The following TENM4 variants were observed in gnomAD, a reference collection of about 807,000 sequenced individuals.
TENM4 encodes teneurin-4.
Under a neutral mutation model 243.3 loss-of-function variants are expected in TENM4, and 82 were observed. The ratio of observed to expected loss-of-function variants is 0.34; its 90% CI spans 0.28 to 0.40. TENM4 has a LOEUF of 0.40. Among genes scored for constraint, TENM4 ranks in the 10% least tolerant of loss-of-function variants. The probability of loss-of-function intolerance (pLI) is 1.00; values close to 1 mark genes in which losing one functional copy is unlikely to be tolerated. For synonymous variants in TENM4, 1,412 were observed against 1,456.3 expected (o/e 0.97, Z 0.69); for missense variants, 3,138 against 3,673.3 (o/e 0.85, Z 3.77).
chr11:79,253,640 C>A (rs1225340844), intron 2 of TENM4, among the ~76,000 whole-genome samples: 6 of 152,140 alleles, frequency 3.9e-5, no homozygotes, highest in African/African-American at 7.2e-5. Context: ...CCGATGGGAT[C>A]CTAAATAATT....
chr11:79,366,569 G>A (rs1293619571), intron 1 of TENM4, among the ~76,000 whole-genome samples: 3 of 152,192 alleles, frequency 2.0e-5, no homozygotes, highest in Non-Finnish European at 4.4e-5. Context: ...TGCTTCAGGA[G>A]CAATTCATGG....
intron 6 of TENM4, among the ~76,000 whole-genome samples, chr11:78,922,919 T>A (rs1281831128): frequency 6.6e-6 from 1 of 152,166 alleles, no homozygotes; most frequent in Non-Finnish European, 1.5e-5. Context: ...AGCATCTCCA[T>A]CACTACCACT....
chr11:78,851,286 T>C (rs1391938652), intron 12 of TENM4, among the ~76,000 whole-genome samples: 1 of 152,152 alleles, frequency 6.6e-6, no homozygotes, highest in East Asian at 1.9e-4. Context: ...TATGACCTAT[T>C]GGCCCTAAAA....
intron 2 of TENM4, among the ~76,000 whole-genome samples, chr11:79,262,081 G>A (rs947607194): frequency 4.6e-5 from 7 of 152,314 alleles, no homozygotes; most frequent in African/African-American, 1.7e-4. Context: ...CTAGGAGTCT[G>A]AAGTTTCAAT....
chr11:78,736,445 AGTGTGTGTGTGTGTGTGTGT>A (rs3223449), intron 20 of TENM4, among the ~76,000 whole-genome samples: 1 of 145,182 alleles, frequency 6.9e-6, no homozygotes, highest in African/African-American at 2.6e-5. Context: ...GATTTCAGCA[AGTGTGTGTGTGTGTGTGTGT>A]GTGTGTGTGT....
Position 78,658,859 on chromosome 11 carries a change from A to G in TENM4, c.7552-43T>C. On this transcript the variant is annotated intron_variant, in intron 33 of 33. Transcript: ENST00000278550. ...TGAGAGAGAGAGTAAGACAAAGGGGAAAAAACCCTGAGAACCTGGAGAATC... is the reference window on the plus strand; with the variant it reads ...TGAGAGAGAGAGTAAGACAAAGGGGGAAAAACCCTGAGAACCTGGAGAATC... The G allele has an allele frequency of 1.9e-6, 3 of 1,567,698 alleles. No homozygotes were observed. The South Asian group carries it at 3.5e-5, about 18-fold the overall frequency.
At chr11:78,700,222 G>A (rs181289146) in intron 28 of TENM4, among the ~76,000 whole-genome samples, 150 of 152,352 alleles carry the variant, frequency 9.8e-4, no homozygotes, top group African/African-American at 3.0e-3. Flanking sequence ...GTGTGGCACT[G>A]GTGCGGGGGT....
chr11:79,209,011 G>A (rs901846607), intron 3 of TENM4, among the ~76,000 whole-genome samples: 3 of 152,170 alleles, frequency 2.0e-5, no homozygotes, highest in African/African-American at 7.2e-5. Context: ...ACTGACCACC[G>A]AGGTGTGCAG....
chr11:78,923,286 T>A (rs1477251652), intron 6 of TENM4, among the ~76,000 whole-genome samples: 2 of 152,162 alleles, frequency 1.3e-5, no homozygotes, highest in African/African-American at 4.8e-5. Context: ...TGGGGCCCCA[T>A]AAAAGACGTA....
At chr11:78,813,394 T>C (rs940791994) in intron 13 of TENM4, among the ~76,000 whole-genome samples, 1 of 152,216 alleles carries the variant, frequency 6.6e-6, no homozygotes, top group African/African-American at 2.4e-5. Flanking sequence ...AGAAGCTCCC[T>C]GTATTTAACT....
Position 78,805,464 on chromosome 11 carries a change from G to A in TENM4, c.2007C>T (p.Gly669=), listed in dbSNP as rs1016834951. The part of the protein sequence containing the change: ...EVDCMDPTCS[G]RGVCVRGECH... The stretch of plus-strand genomic sequence containing the variant: ...ATTCGCCTCTCACGCAGACACCCCG[G>A]CCTGAACATGTGGGGTCCATGCAGT... The change falls in exon 15 of 34, where the codon GGC becomes GGT. Residue 669 remains glycine, a synonymous_variant. Transcript: ENST00000278550. 1.9e-6 allele frequency: 3 copies of A among 1,588,282 alleles called. No individual in the cohort carries two copies. The highest frequency in any genetic ancestry group is 2.7e-5 in the African/African-American group (2 of 74,336).
chr11:79,373,164 A>T (rs918510652), intron 1 of TENM4, among the ~76,000 whole-genome samples: 1 of 152,232 alleles, frequency 6.6e-6, no homozygotes, highest in African/African-American at 2.4e-5. Context: ...TAAACAGTAG[A>T]TACTCAACGC....
intron 6 of TENM4, among the ~76,000 whole-genome samples, chr11:78,936,304 G>C (rs1003128265): frequency 6.6e-6 from 1 of 152,196 alleles, no homozygotes. Context: ...TAAAATGGGA[G>C]CAATATCACC....
chr11:78,944,714 T>C (rs1856974898), intron 6 of TENM4, among the ~76,000 whole-genome samples: 2 of 152,232 alleles, frequency 1.3e-5, no homozygotes, highest in South Asian at 4.1e-4. Context: ...TGTAGCTCTG[T>C]TCATTAAATG....
rs146627156 is a variant in TENM4 at position 78,964,554 on chromosome 11, G to A, written c.494-61031C>T. 2.9e-3 allele frequency among the ~76,000 whole-genome samples: 445 copies of A among 152,218 alleles called. 4 individuals are homozygous for A. The highest frequency in any genetic ancestry group is 9.7e-3 in the African/African-American group (402 of 41,532). On this transcript the variant is annotated intron_variant, in intron 6 of 33. Coordinates refer to ENST00000278550, the MANE Select transcript of TENM4 (RefSeq NM_001098816.3). ...CTAAAAATTCAGGCTATGATTCACCGTACAATCTTTTAAGCCAGCATTCCC... is the reference window on the plus strand; with the variant it reads ...CTAAAAATTCAGGCTATGATTCACCATACAATCTTTTAAGCCAGCATTCCC...
At chr11:78,881,423 C>T (rs1855431140) in intron 9 of TENM4, among the ~76,000 whole-genome samples, 1 of 152,122 alleles carries the variant, frequency 6.6e-6, no homozygotes, top group Non-Finnish European at 1.5e-5. Flanking sequence ...CGTTCTCCGG[C>T]TCCCTCACCG....
chr11:79,267,875 C>T (rs958972437), intron 2 of TENM4, among the ~76,000 whole-genome samples: 10 of 152,216 alleles, frequency 6.6e-5, no homozygotes, highest in Non-Finnish European at 2.9e-5. Flanking sequence ...ATCCCAGACA[C>T]CTGTATCACC....
chr11:78,695,849 A>G (rs1858947380), intron 28 of TENM4, among the ~76,000 whole-genome samples: 1 of 130,808 alleles, frequency 7.6e-6, no homozygotes, highest in Non-Finnish European at 1.5e-5. Flanking sequence ...ATATGGCTAG[A>G]AATGTGTGTG....
chr11:79,071,131 A>G (rs1350681164), intron 4 of TENM4, among the ~76,000 whole-genome samples: 1 of 152,156 alleles, frequency 6.6e-6, no homozygotes, highest in African/African-American at 2.4e-5. Flanking sequence ...TTCTCCCTCC[A>G]AATGTCTTCT....
Sources: allele counts gnomAD v4.1 joint callset (sites outside exome capture counted in the v4.1 genomes callset), GRCh38; gene constraint gnomAD v4.1.1; transcripts MANE v1.5; gene names NCBI Gene and HGNC (gene_info 2026-07-23, HGNC 2026-07-21).